Variants in GUCY1A2 observed in about 807,000 individuals in gnomAD.
GUCY1A2 encodes the protein guanylate cyclase soluble subunit alpha-2.
GUCY1A2 carries 27 observed loss-of-function variants against 63.5 expected under a neutral mutation model. The ratio of observed to expected loss-of-function variants is 0.43; its 90% CI spans 0.31 to 0.59. The LOEUF (loss-of-function observed/expected upper bound fraction) is 0.59, where lower values mean the gene tolerates loss of function less well. Among genes scored for constraint, GUCY1A2 ranks in the 20% least tolerant of loss-of-function variants. The probability of loss-of-function intolerance (pLI) is 0.11; values close to 1 mark genes in which losing one functional copy is unlikely to be tolerated. For synonymous variants in GUCY1A2, 364 were observed against 343.5 expected, an observed-to-expected ratio of 1.06 and a Z score of -0.66; for missense variants, 768 against 913.3, an observed-to-expected ratio of 0.84 and a Z score of 2.05.
intron 1 of GUCY1A2, among the ~76,000 whole-genome samples, chr11:106,996,395 C>T (rs950319684): frequency 1.3e-5 from 2 of 152,154 alleles, no homozygotes; most frequent in Admixed American, 6.5e-5. Flanking sequence ...TATGAATGCC[C>T]TTGAACATCA....
At chr11:106,950,049 T>C (rs922584208) in intron 3 of GUCY1A2, among the ~76,000 whole-genome samples, 1 of 152,256 alleles carries the variant, frequency 6.6e-6, no homozygotes, top group Non-Finnish European at 1.5e-5. Flanking sequence ...GCAGGCCTTT[T>C]ATCACAAGCT....
intron 1 of GUCY1A2, among the ~76,000 whole-genome samples, chr11:106,990,011 G>A (rs1190318688): frequency 6.6e-6 from 1 of 152,172 alleles, no homozygotes; most frequent in Admixed American, 6.5e-5. Flanking sequence ...TATGCTGGAG[G>A]ATCAAAGAGA....
Position 106,680,725 on chromosome 11 carries a change from G to T in GUCY1A2, c.*6824C>A, listed in dbSNP as rs1418102954. On this transcript the variant is annotated 3_prime_UTR_variant, in exon 8 of 8. Coordinates refer to ENST00000526355, the MANE Select transcript of GUCY1A2 (RefSeq NM_000855.3). ...TTTTGATAGGGAAATTTTCCAAACT[G>T]TGGGCAGGAGAATGCTAAAATTAAG... is the stretch of plus-strand genomic sequence containing the variant. 2 of 205,768 alleles carry T rather than the reference G, an allele frequency of 9.7e-6. No individual in the cohort carries two copies. Among genetic ancestry groups the T allele is most frequent in the African/African-American group, 2.3e-5 (1 of 43,816 alleles). The allele number at this position is 205,768 out of a possible 1,614,324, so 12.7% of individuals were successfully genotyped here. A position where few individuals can be genotyped will look rare whatever the true frequency, so the allele number is the denominator to read the frequency against.
At chr11:106,726,569 G>T (rs79035041) in intron 6 of GUCY1A2, among the ~76,000 whole-genome samples, 128 of 152,304 alleles carry the variant, frequency 8.4e-4, no homozygotes, top group African/African-American at 3.0e-3. Context: ...CCTTAGGCGG[G>T]TGGGCAGGAA....
intron 4 of GUCY1A2, among the ~76,000 whole-genome samples, chr11:106,912,542 A>C (rs1020254711): frequency 3.3e-5 from 5 of 152,090 alleles, no homozygotes; most frequent in Admixed American, 6.6e-5. Context: ...CCATCTACAG[A>C]CACTCACGAC....
intron 4 of GUCY1A2, among the ~76,000 whole-genome samples, chr11:106,926,443 C>CAA (rs1312188621): frequency 1.7e-4 from 14 of 83,996 alleles, no homozygotes; most frequent in South Asian, 3.3e-4. Flanking sequence ...ATCTCTGTCT[C>CAA]AAAAAAAAAA....
At chr11:106,798,183 G>C (rs910749382) in intron 5 of GUCY1A2, among the ~76,000 whole-genome samples, 2 of 151,988 alleles carry the variant, frequency 1.3e-5, no homozygotes, top group Non-Finnish European at 2.9e-5. Flanking sequence ...ATAAATTCCT[G>C]GACACATACA....
intron 4 of GUCY1A2, among the ~76,000 whole-genome samples, chr11:106,880,307 G>C (rs1859806127): frequency 6.6e-6 from 1 of 151,986 alleles, no homozygotes; most frequent in Non-Finnish European, 1.5e-5. Context: ...GGGAGATTAA[G>C]GCCTTTTGTT....
intron 6 of GUCY1A2, among the ~76,000 whole-genome samples, chr11:106,710,484 C>T (rs1425473563): frequency 6.8e-6 from 1 of 147,902 alleles, no homozygotes; most frequent in Non-Finnish European, 1.5e-5. Flanking sequence ...AGCAGGTATT[C>T]AACATTAGTG....
At chr11:106,890,121 G>A (rs556789988) in intron 4 of GUCY1A2, among the ~76,000 whole-genome samples, 1 of 152,220 alleles carries the variant, frequency 6.6e-6, no homozygotes, top group East Asian at 1.9e-4. Context: ...GTAATAAATT[G>A]TTATCTTATC....
At chr11:106,976,972 GT>G (rs1387074128) in intron 3 of GUCY1A2, among the ~76,000 whole-genome samples, 4 of 151,954 alleles carry the variant, frequency 2.6e-5, no homozygotes, top group Admixed American at 1.3e-4. Context: ...CGTGGGAATT[GT>G]GCACACTCAT....
chr11:106,722,548 G>A (rs923680694), intron 6 of GUCY1A2, among the ~76,000 whole-genome samples: 4 of 151,996 alleles, frequency 2.6e-5, no homozygotes, highest in African/African-American at 9.7e-5. Context: ...CCATGAACCA[G>A]TAAATCTATG....
At chr11:106,748,356 G>C (rs1863825172) in intron 6 of GUCY1A2, among the ~76,000 whole-genome samples, 1 of 152,176 alleles carries the variant, frequency 6.6e-6, no homozygotes, top group African/African-American at 2.4e-5. Context: ...TCTACCTATA[G>C]GGTAACATCT....
At chr11:106,849,696 GAC>G (rs897199184) in intron 4 of GUCY1A2, among the ~76,000 whole-genome samples, 6 of 150,490 alleles carry the variant, frequency 4.0e-5, no homozygotes, top group Non-Finnish European at 9.0e-5. Flanking sequence ...CCCCATTTAA[GAC>G]ACTCTTTTGA....
chr11:106,808,889 A>C (rs1858728204), intron 5 of GUCY1A2, among the ~76,000 whole-genome samples: 1 of 152,160 alleles, frequency 6.6e-6, no homozygotes, highest in Non-Finnish European at 1.5e-5. Flanking sequence ...ATAAATTATA[A>C]GGGAGTTAAA....
intron 6 of GUCY1A2, among the ~76,000 whole-genome samples, chr11:106,720,539 T>A (rs1204498801): frequency 6.6e-6 from 1 of 152,176 alleles, no homozygotes; most frequent in Non-Finnish European, 1.5e-5. Context: ...TTTTTCATTA[T>A]TAGAGATGAA....
intron 7 of GUCY1A2, among the ~76,000 whole-genome samples, chr11:106,693,289 C>T (rs1217079810): frequency 6.6e-6 from 1 of 152,132 alleles, no homozygotes; most frequent in Non-Finnish European, 1.5e-5. Context: ...TTAAATTCTT[C>T]TTTAGAATTG....
intron 3 of GUCY1A2, among the ~76,000 whole-genome samples, chr11:106,971,383 T>C (rs1350410442): frequency 6.6e-6 from 1 of 152,098 alleles, no homozygotes; most frequent in Non-Finnish European, 1.5e-5. Flanking sequence ...GAGTGGACAC[T>C]ATAAAGCTTT....
intron 4 of GUCY1A2, among the ~76,000 whole-genome samples, chr11:106,860,560 G>A (rs1859497327): frequency 1.3e-5 from 2 of 151,872 alleles, no homozygotes; most frequent in South Asian, 4.1e-4. Flanking sequence ...ATCTGTTGTG[G>A]ACTGGGAAAC....
Sources: gnomAD v4.1 joint callset for allele counts (sites outside exome capture counted in the v4.1 genomes callset) on GRCh38, gnomAD v4.1.1 for gene constraint, MANE v1.5 for transcripts, NCBI Gene and HGNC (gene_info 2026-07-23, HGNC 2026-07-21) for gene names.